ALK: variants seen among roughly 807,000 people sequenced by gnomAD.
ALK encodes ALK tyrosine kinase receptor.
In ALK, 74 loss-of-function variants were observed where a neutral mutation model predicts 163.1. The ratio of observed to expected loss-of-function variants is 0.45; its 90% CI spans 0.38 to 0.55. The LOEUF is 0.55. ALK is among the 20% of genes least tolerant of loss of function. The pLI is 0.00. For synonymous variants in ALK, 960 were observed against 843.2 expected, an observed-to-expected ratio of 1.14 and a Z score of -2.40; for missense variants, 2,063 against 2,105.3, an observed-to-expected ratio of 0.98 and a Z score of 0.39.
At chr2:29,793,808 A>T (rs1664243057) in intron 1 of ALK, among the ~76,000 whole-genome samples, 1 of 152,302 alleles carries the variant, frequency 6.6e-6, no homozygotes. Flanking sequence ...ACCATGTTGT[A>T]AACACTTGTG....
intron 4 of ALK, among the ~76,000 whole-genome samples, chr2:29,384,311 C>A (rs906190870): frequency 1.3e-5 from 2 of 152,146 alleles, no homozygotes; most frequent in African/African-American, 4.8e-5. Flanking sequence ...AGTCTCGGAA[C>A]CCTCAGGTTT....
intron 4 of ALK, among the ~76,000 whole-genome samples, chr2:29,523,771 G>A (rs1218038023): frequency 6.6e-6 from 1 of 151,266 alleles, no homozygotes; most frequent in African/African-American, 2.4e-5. Context: ...AGGGCAGAGT[G>A]AGAAAGCAAA....
intron 1 of ALK, among the ~76,000 whole-genome samples, chr2:29,797,000 CCACACACACA>C (rs34846199): frequency 6.9e-6 from 1 of 144,606 alleles, no homozygotes; most frequent in African/African-American, 2.5e-5. Context: ...GCACGCACAC[CCACACACACA>C]CACACACACA....
chr2:29,383,695 G>T (rs745316723), intron 5 of ALK, 37 bp downstream of exon 5: 2 of 1,613,608 alleles, frequency 1.2e-6, no homozygotes. Context: ...TAACACAATA[G>T]GCTACCAAGG....
intron 23 of ALK, among the ~76,000 whole-genome samples, chr2:29,214,626 G>GCTAT (rs1669552383): frequency 6.6e-6 from 1 of 152,180 alleles, no homozygotes; most frequent in African/African-American, 2.4e-5. Context: ...GCAATTATGA[G>GCTAT]CTATCTCAAG....
At chr2:29,571,695 C>A (rs1216346600) in intron 3 of ALK, among the ~76,000 whole-genome samples, 1 of 140,872 alleles carries the variant, frequency 7.1e-6, no homozygotes, top group Non-Finnish European at 1.5e-5. Flanking sequence ...TGGCTCACTG[C>A]AACCTCCGTC....
chr2:29,279,598 T>C (rs1665654897), intron 9 of ALK, among the ~76,000 whole-genome samples: 1 of 151,946 alleles, frequency 6.6e-6, no homozygotes, highest in South Asian at 2.1e-4. Flanking sequence ...AGAGACAGAG[T>C]GGGCATCAGG....
rs1391586293 is a variant in ALK at position 29,281,974 on chromosome 2, G to C, written c.1818-6478C>G. 4.6e-5 allele frequency among the ~76,000 whole-genome samples: 7 copies of C among 152,344 alleles called. No homozygotes were observed. In the East Asian group the frequency reaches 1.3e-3, roughly 29 times the overall value. ...TAAGTTCACTTAATGATTTTAAGTAGCTGACAGAAAGGTTTGTGTCTGATG... is the reference window on the plus strand; with the variant it reads ...TAAGTTCACTTAATGATTTTAAGTACCTGACAGAAAGGTTTGTGTCTGATG... On this transcript the variant is annotated intron_variant, in intron 9 of 28. Transcript: ENST00000389048.
Position 29,226,833 on chromosome 2 carries a change from G to C in ALK, c.3067+89C>G, listed in dbSNP as rs778356144. 8.2e-4 allele frequency: 1,259 copies of C among 1,531,118 alleles called. 5 individuals carry two copies. Among genetic ancestry groups the C allele is most frequent in the Middle Eastern group, 1.3e-3 (6 of 4,578 alleles). 94.8% of individuals were successfully genotyped at this position (1,531,118 alleles called of 1,614,324 possible). ...CAGAAAGTTTACAAAACCGAATCCAGGGTGTTCTGGAACCCAGAAACCATT... is the reference window on the plus strand; with the variant it reads ...CAGAAAGTTTACAAAACCGAATCCACGGTGTTCTGGAACCCAGAAACCATT... On this transcript the variant is annotated intron_variant, in intron 18 of 28. Transcript: ENST00000389048.
chr2:29,439,435 ATCAAT>A (rs1670481250), intron 4 of ALK, among the ~76,000 whole-genome samples: 1 of 152,240 alleles, frequency 6.6e-6, no homozygotes, highest in African/African-American at 2.4e-5. Flanking sequence ...AAATTAACAC[ATCAAT>A]TCAATGCGAT....
At chr2:29,642,669 T>C (rs1437213808) in intron 3 of ALK, among the ~76,000 whole-genome samples, 1 of 152,110 alleles carries the variant, frequency 6.6e-6, no homozygotes, top group Non-Finnish European at 1.5e-5. Flanking sequence ...GCAGTTTCTC[T>C]CCTGTCTCAG....
chr2:29,580,258 G>A (rs777241150), intron 3 of ALK, among the ~76,000 whole-genome samples: 13 of 152,154 alleles, frequency 8.5e-5, no homozygotes, highest in African/African-American at 1.2e-4. Context: ...ATGTCAACCC[G>A]TGATTACCGT....
At chr2:29,879,510 G>A (rs1200398439) in intron 1 of ALK, among the ~76,000 whole-genome samples, 1 of 152,174 alleles carries the variant, frequency 6.6e-6, no homozygotes, top group African/African-American at 2.4e-5. Flanking sequence ...AAACTATTCT[G>A]CTCCAGCTCT....
At chr2:29,442,272 T>A (rs933871109) in intron 4 of ALK, among the ~76,000 whole-genome samples, 2 of 151,074 alleles carry the variant, frequency 1.3e-5, no homozygotes, top group African/African-American at 4.9e-5. Context: ...AAATTGCCCA[T>A]CAACTCTATT....
In ALK at chr2:29,795,177, GACACAC is replaced by G. The variant is rs112686547; in HGVS notation, c.668-77486_668-77481del. 4.0e-5 allele frequency among the ~76,000 whole-genome samples: 6 copies of G among 149,292 alleles called. 1 individual carries two copies. The highest frequency in any genetic ancestry group is 3.4e-4 in the Admixed American group (5 of 14,894). ...GCTATGAACATCAACAGAAAATTCA[GACACAC>G]ACACACACACACACACGCAAAGAGC... On this transcript the variant is annotated intron_variant, in intron 1 of 28. Coordinates refer to ENST00000389048, the MANE Select transcript of ALK (RefSeq NM_004304.5).
At chr2:29,549,181 C>CACAT (rs1673651066) in intron 3 of ALK, among the ~76,000 whole-genome samples, 1 of 152,050 alleles carries the variant, frequency 6.6e-6, no homozygotes, top group African/African-American at 2.4e-5. Flanking sequence ...CACGGACACA[C>CACAT]ACATGCACAG....
At chr2:29,686,535 G>C (rs1678246180) in intron 3 of ALK, among the ~76,000 whole-genome samples, 1 of 152,190 alleles carries the variant, frequency 6.6e-6, no homozygotes, top group Non-Finnish European at 1.5e-5. Flanking sequence ...TCTAGTCTAA[G>C]ATCTTACCTA....
At chr2:29,815,060 T>C (rs1664861340) in intron 1 of ALK, among the ~76,000 whole-genome samples, 1 of 148,528 alleles carries the variant, frequency 6.7e-6, no homozygotes, top group South Asian at 2.2e-4. Flanking sequence ...TGCGGGCCAT[T>C]AGTGGAAAAT....
At chr2:29,887,970 G>A (rs1384179119) in intron 1 of ALK, among the ~76,000 whole-genome samples, 2 of 152,200 alleles carry the variant, frequency 1.3e-5, no homozygotes, top group Non-Finnish European at 2.9e-5. Context: ...GGCAGAGAAT[G>A]TCAGGTCAGG....
Sources: allele counts gnomAD v4.1 joint callset (sites outside exome capture counted in the v4.1 genomes callset), GRCh38; gene constraint gnomAD v4.1.1; transcripts MANE v1.5; gene names NCBI Gene and HGNC (gene_info 2026-07-23, HGNC 2026-07-21).